Variants in VPS13D observed in about 807,000 individuals in gnomAD.
The protein encoded by VPS13D is intermembrane lipid transfer protein VPS13D.
VPS13D carries 187 observed loss-of-function variants against 461.9 expected under a neutral mutation model. That is an observed-to-expected ratio of 0.40 (90% CI 0.36 to 0.46). VPS13D has a LOEUF of 0.46. Ranked by LOEUF, VPS13D falls within the 20% of genes least tolerant of loss-of-function variation. VPS13D has a pLI of 0.60. For synonymous variants in VPS13D, 1,951 were observed against 1,986.3 expected (o/e 0.98, Z 0.47); for missense variants, 4,711 against 5,364.9 (o/e 0.88, Z 3.81).
chr1:12,422,699 G>A (rs1372737475), intron 65 of VPS13D, among the ~76,000 whole-genome samples: 1 of 152,162 alleles, frequency 6.6e-6, no homozygotes, highest in East Asian at 1.9e-4. Context: ...TAGGCTTGGT[G>A]AGAGACCCTT....
chr1:12,248,321 TTC>T (rs1278706274), intron 5 of VPS13D, among the ~76,000 whole-genome samples: 1 of 151,682 alleles, frequency 6.6e-6, no homozygotes, highest in Non-Finnish European at 1.5e-5. Flanking sequence ...TCTTTTTACT[TTC>T]TGTTATTATT....
rs75859401 is a variant in VPS13D, at chr1:12,495,670, T to A, written c.12663-1830T>A. Among the ~76,000 whole-genome samples the A allele has an allele frequency of 0.026, 3,895 of 152,280 alleles. 131 individuals carry two copies. Among genetic ancestry groups the A allele is most frequent in the Admixed American group, 0.1 (1,583 of 15,310 alleles). On this transcript the variant is annotated intron_variant, in intron 67 of 69. Coordinates refer to ENST00000620676, the MANE Select transcript of VPS13D (RefSeq NM_015378.4). The surrounding 1 kb of genome is among the most constrained non-coding windows in gnomAD (Gnocchi z 4.0). ...TCCCAGTTGATTGGGGAAGATATGTTGAGACGAGTCTGAATCAAACCTTAC... is the reference window on the plus strand; with the variant it reads ...TCCCAGTTGATTGGGGAAGATATGTAGAGACGAGTCTGAATCAAACCTTAC...
chr1:12,481,671 G>A (rs1364834669), intron 67 of VPS13D, among the ~76,000 whole-genome samples: 1 of 152,196 alleles, frequency 6.6e-6, no homozygotes, highest in African/African-American at 2.4e-5. Flanking sequence ...GATGGGGAAA[G>A]GAGAACATTT....
At chr1:12,460,426 A>G in intron 67 of VPS13D, 30 bp downstream of exon 67, 4 of 1,529,230 alleles carry the variant, frequency 2.6e-6, no homozygotes, top group Non-Finnish European at 3.5e-6. Flanking sequence ...TGGCTTTTGC[A>G]GTTTCCAGCC....
intron 27 of VPS13D, among the ~76,000 whole-genome samples, chr1:12,310,922 T>G (rs1338783990): frequency 6.8e-6 from 1 of 146,146 alleles, no homozygotes; most frequent in African/African-American, 2.5e-5. Context: ...CCTCCCTCTC[T>G]CCCTCTCTCC....
intron 63 of VPS13D, among the ~76,000 whole-genome samples, chr1:12,404,343 C>T: frequency 6.6e-6 from 1 of 152,122 alleles, no homozygotes; most frequent in Admixed American, 6.5e-5. Flanking sequence ...AAAAAGCAGT[C>T]AAGACAGCAT....
In VPS13D at chr1:12,415,184, A is replaced by T; in HGVS notation, c.12128A>T (p.Glu4043Val). The T allele has an allele frequency of 6.2e-7, 1 of 1,614,108 alleles. No homozygotes were observed. Among genetic ancestry groups the T allele is most frequent in the Non-Finnish European group, 8.5e-7 (1 of 1,179,996 alleles). Residue 4043 changes from glutamate to valine, a missense_variant, in exon 64 of 70, where the codon GAG (glutamate) becomes GTG (valine). Glu to Val is a moderately radical substitution (Grantham distance 121, BLOSUM62 -2). Around this residue, in one of 3 missense-constraint regions of VPS13D, gnomAD observed 4,411 missense variants for 4,937.8 expected, o/e 0.89. Transcript: ENST00000620676. ...CGGGTACATCCCTATGAGACCAAGG[A>T]GTTCATCATCAATGATATCCTCAAA... The part of the protein sequence containing the change: ...FTRVHPYETK[E>V]FIINDILKHF...
At chr1:12,346,258 C>G (rs1467954494) in intron 43 of VPS13D, among the ~76,000 whole-genome samples, 1 of 152,020 alleles carries the variant, frequency 6.6e-6, no homozygotes, top group Admixed American at 6.5e-5. Flanking sequence ...CTCTTGTGCC[C>G]CAAGTTTCTT....
chr1:12,442,388 A>T (rs1168592869), intron 65 of VPS13D, among the ~76,000 whole-genome samples: 1 of 152,166 alleles, frequency 6.6e-6, no homozygotes, highest in Non-Finnish European at 1.5e-5. Context: ...TAGTGTGTCA[A>T]CTTATTGGAC....
At chr1:12,402,963 CCTG>C (rs1310683092) in intron 62 of VPS13D, among the ~76,000 whole-genome samples, 2 of 152,226 alleles carry the variant, frequency 1.3e-5, no homozygotes, top group African/African-American at 4.8e-5. Flanking sequence ...CAAGCCCAGT[CCTG>C]CTGCTCCTTA....
chr1:12,422,140 A>G (rs1012393291), intron 65 of VPS13D, among the ~76,000 whole-genome samples: 14 of 152,122 alleles, frequency 9.2e-5, no homozygotes, highest in Non-Finnish European at 1.8e-4. Context: ...CATCCCCTTC[A>G]GTATGTCTTT....
intron 67 of VPS13D, among the ~76,000 whole-genome samples, chr1:12,465,924 CAAG>C (rs1464789449): frequency 2.6e-5 from 4 of 152,084 alleles, no homozygotes; most frequent in Non-Finnish European, 5.9e-5. Context: ...ATCACGAGGT[CAAG>C]AGATCGAGAC....
intron 65 of VPS13D, among the ~76,000 whole-genome samples, chr1:12,450,786 G>A (rs575882078): frequency 2.3e-4 from 35 of 152,294 alleles, no homozygotes; most frequent in African/African-American, 6.5e-4. Flanking sequence ...TTACCCGGAC[G>A]TAATCCCATC....
intron 27 of VPS13D, among the ~76,000 whole-genome samples, chr1:12,309,630 C>T (rs966023062): frequency 3.3e-5 from 5 of 151,354 alleles, no homozygotes; most frequent in African/African-American, 7.3e-5. Context: ...GGCATGGTGG[C>T]GTGTGCCTGT....
intron 36 of VPS13D, among the ~76,000 whole-genome samples, chr1:12,328,810 A>T (rs1244676878): frequency 6.6e-6 from 1 of 152,174 alleles, no homozygotes; most frequent in African/African-American, 2.4e-5. Flanking sequence ...AAGTGCTGGG[A>T]TTACAGGCAT....
Position 12,311,810 on chromosome 1 carries a change from T to C in VPS13D, c.6823-3T>C. The C allele has an allele frequency of 6.2e-7, 1 of 1,612,626 alleles. No homozygotes were observed. The highest frequency in any genetic ancestry group is 1.1e-5 in the South Asian group (1 of 90,968). ...TGGATTGACGAGCATTTTCCTTTTGTAGACTGTCCTGAGTGGAGAAGTGTA... is the reference window on the plus strand; with the variant it reads ...TGGATTGACGAGCATTTTCCTTTTGCAGACTGTCCTGAGTGGAGAAGTGTA... On this transcript the variant is annotated splice_polypyrimidine_tract_variant and splice_region_variant and intron_variant, in intron 28 of 69. Coordinates refer to ENST00000620676, the MANE Select transcript of VPS13D (RefSeq NM_015378.4).
intron 44 of VPS13D, 138 bp from the exon 45 acceptor site, chr1:12,348,685 T>C (rs1643730013): frequency 3.6e-6 from 4 of 1,102,514 alleles, no homozygotes; most frequent in Non-Finnish European, 5.1e-6. Flanking sequence ...TGAATGGCTT[T>C]AGGGTTTTAT....
chr1:12,427,147 T>A (rs1644933221), intron 65 of VPS13D, among the ~76,000 whole-genome samples: 2 of 151,828 alleles, frequency 1.3e-5, no homozygotes, highest in East Asian at 1.9e-4. Context: ...CACTTTATAT[T>A]TGTCTCGATT....
intron 66 of VPS13D, among the ~76,000 whole-genome samples, chr1:12,459,460 T>G (rs1352709278): frequency 6.6e-6 from 1 of 151,822 alleles, no homozygotes; most frequent in Non-Finnish European, 1.5e-5. Context: ...TCTCTCTGCC[T>G]TAGATATCTT....
Sources: allele counts gnomAD v4.1 joint callset (sites outside exome capture counted in the v4.1 genomes callset), GRCh38; gene constraint gnomAD v4.1.1; regional missense constraint gnomAD v4.1.1; non-coding constraint Gnocchi (gnomAD v3.1); transcripts MANE v1.5; gene names NCBI Gene and HGNC (gene_info 2026-07-23, HGNC 2026-07-21).